The following LDB2 variants were observed in gnomAD, a reference collection of about 807,000 sequenced individuals.
The protein encoded by LDB2 is LIM domain binding 2, also known as LIM domain-binding protein 2.
LDB2 carries 12 observed loss-of-function variants against 44.3 expected under a neutral mutation model. The observed-to-expected ratio is 0.27, with a 90% confidence interval of 0.17 to 0.44. LDB2 has a LOEUF of 0.44. Among genes scored for constraint, LDB2 ranks in the 20% least tolerant of loss-of-function variants. LDB2 has a pLI of 1.00. For missense variants in LDB2, 344 were observed against 473.5 expected (o/e 0.73, Z 2.54); for synonymous variants, 164 against 174.8 (o/e 0.94, Z 0.49).
chr4:16,795,874 T>C (rs916267517), intron 1 of LDB2, among the ~76,000 whole-genome samples: 3 of 152,210 alleles, frequency 2.0e-5, no homozygotes, highest in Non-Finnish European at 4.4e-5. Flanking sequence ...GCTATTGCTA[T>C]AGTCCCACTT....
intron 1 of LDB2, among the ~76,000 whole-genome samples, chr4:16,807,909 C>A (rs147038191): frequency 6.6e-6 from 1 of 152,118 alleles, no homozygotes; most frequent in Admixed American, 6.6e-5. Flanking sequence ...CTCTTACCAA[C>A]GGGGAATTTT....
At chr4:16,820,382 C>A (rs1227931882) in intron 1 of LDB2, among the ~76,000 whole-genome samples, 1 of 152,126 alleles carries the variant, frequency 6.6e-6, no homozygotes, top group African/African-American at 2.4e-5. Context: ...CTGGAGTTTA[C>A]AGCTTAGCTG....
chr4:16,845,089 G>C (rs531777098), intron 1 of LDB2, among the ~76,000 whole-genome samples: 2 of 152,292 alleles, frequency 1.3e-5, no homozygotes, highest in African/African-American at 4.8e-5. Flanking sequence ...TCCCAGATTA[G>C]AGATGTGGGG....
intron 5 of LDB2, among the ~76,000 whole-genome samples, chr4:16,578,378 T>C (rs773485665): frequency 2.0e-5 from 3 of 152,078 alleles, no homozygotes; most frequent in East Asian, 3.9e-4. Flanking sequence ...GATAATCTGA[T>C]TAAAAATAGG....
chr4:16,674,277 A>G, intron 2 of LDB2: 2 of 1,288,964 alleles, frequency 1.6e-6, no homozygotes, highest in South Asian at 2.5e-5. Context: ...CGAATCCCCG[A>G]GCTGGTTGCA....
At chr4:16,867,674 C>A (rs1715151940) in intron 1 of LDB2, among the ~76,000 whole-genome samples, 1 of 152,060 alleles carries the variant, frequency 6.6e-6, no homozygotes, top group African/African-American at 2.4e-5. Context: ...GAAATAAGAA[C>A]CAGTAATTCA....
At chr4:16,890,704 G>T (rs550891301) in intron 1 of LDB2, among the ~76,000 whole-genome samples, 3 of 152,112 alleles carry the variant, frequency 2.0e-5, no homozygotes, top group African/African-American at 7.2e-5. Flanking sequence ...CTGAGGCCTC[G>T]GTTGCTTGTC....
intron 2 of LDB2, among the ~76,000 whole-genome samples, chr4:16,697,936 A>G (rs756473637): frequency 3.3e-5 from 5 of 152,248 alleles, no homozygotes; most frequent in Non-Finnish European, 7.3e-5. Context: ...TAGCAACTAT[A>G]AAAATGCTTG....
At chr4:16,879,706 C>G (rs1047641786) in intron 1 of LDB2, among the ~76,000 whole-genome samples, 1 of 152,194 alleles carries the variant, frequency 6.6e-6, no homozygotes, top group Non-Finnish European at 1.5e-5. Context: ...TGGGACTTCT[C>G]AGCTTCCATA....
rs1715217075 is a variant in LDB2 at position 16,582,741 on chromosome 4, T to C, written c.615+3181A>G. 6.6e-6 allele frequency among the ~76,000 whole-genome samples: 1 copy of C among 152,012 alleles called. No homozygotes were observed. ...CTCTAGAGGTCACAGAGGCAGCCTG[T>C]AGAGGAAGTGAGACCGCACTGTGAC... On this transcript the variant is annotated intron_variant, in intron 5 of 7. Coordinates refer to ENST00000304523, the MANE Select transcript of LDB2 (RefSeq NM_001290.5). This position sits in a 1 kb window ranked among gnomAD's most constrained non-coding sequence, Gnocchi z 4.8.
chr4:16,507,929 C>T (rs1720176497), intron 7 of LDB2, among the ~76,000 whole-genome samples: 2 of 152,152 alleles, frequency 1.3e-5, no homozygotes, highest in African/African-American at 4.8e-5. Flanking sequence ...TCCTAATGGT[C>T]TTTGTCAAGA....
intron 1 of LDB2, among the ~76,000 whole-genome samples, chr4:16,886,368 G>T (rs1392495542): frequency 6.6e-6 from 1 of 152,134 alleles, no homozygotes; most frequent in Non-Finnish European, 1.5e-5. Context: ...ATTTTAAGAA[G>T]ATTTAAGGAC....
At chr4:16,520,858 T>G (rs893419145) in intron 5 of LDB2, among the ~76,000 whole-genome samples, 4 of 152,194 alleles carry the variant, frequency 2.6e-5, no homozygotes, top group African/African-American at 9.6e-5. Flanking sequence ...GTTAGGCCCA[T>G]GAAGAGACCA....
At chr4:16,581,881 T>C (rs935132786) in intron 5 of LDB2, among the ~76,000 whole-genome samples, 14 of 147,866 alleles carry the variant, frequency 9.5e-5, no homozygotes, top group Non-Finnish European at 1.9e-4. Flanking sequence ...ATATGGATGC[T>C]GTGAGTATTT....
chr4:16,877,170 G>A (rs1718680359), intron 1 of LDB2, among the ~76,000 whole-genome samples: 1 of 152,202 alleles, frequency 6.6e-6, no homozygotes, highest in African/African-American at 2.4e-5. Context: ...AATGATGTCA[G>A]TTTGGAGACT....
At chr4:16,863,521 T>TA (rs771530183) in intron 1 of LDB2, among the ~76,000 whole-genome samples, 5 of 152,204 alleles carry the variant, frequency 3.3e-5, no homozygotes, top group Admixed American at 6.5e-5. Context: ...ACTTGACAGT[T>TA]ACACCCTGCT....
chr4:16,521,717 C>G (rs907165166), intron 5 of LDB2, among the ~76,000 whole-genome samples: 1 of 152,148 alleles, frequency 6.6e-6, no homozygotes, highest in African/African-American at 2.4e-5. Flanking sequence ...GTTCTTCTAG[C>G]CCCAGGAGTG....
intron 2 of LDB2, chr4:16,674,376 G>C: frequency 1.2e-6 from 1 of 806,988 alleles, no homozygotes. Context: ...CAGTTGCCCT[G>C]GAGGCGGTGT....
intron 5 of LDB2, among the ~76,000 whole-genome samples, chr4:16,572,574 G>T (rs1746955429): frequency 6.6e-6 from 1 of 151,314 alleles, no homozygotes; most frequent in Admixed American, 6.6e-5. Context: ...TGTATTTGTT[G>T]TTTTGTATAT....
Sources: allele counts gnomAD v4.1 joint callset (sites outside exome capture counted in the v4.1 genomes callset), GRCh38; gene constraint gnomAD v4.1.1; non-coding constraint Gnocchi (gnomAD v3.1); transcripts MANE v1.5; gene names NCBI Gene and HGNC (gene_info 2026-07-23, HGNC 2026-07-21).